MTOR: variants seen among roughly 807,000 people sequenced by gnomAD.
MTOR encodes mechanistic target of rapamycin kinase.
A neutral mutation model predicts 319.8 loss-of-function variants in MTOR; 70 were observed. The observed-to-expected ratio is 0.22, with a 90% confidence interval of 0.18 to 0.27. The LOEUF (loss-of-function observed/expected upper bound fraction) is 0.27, where lower values mean the gene tolerates loss of function less well. Among genes scored for constraint, MTOR ranks in the 10% least tolerant of loss-of-function variants. The pLI, the probability that MTOR is intolerant of heterozygous loss-of-function variation, is 1.00. For synonymous variants in MTOR, 1,183 were observed against 1,211.4 expected (o/e 0.98, Z 0.49); for missense variants, 1,890 against 3,274.4 (o/e 0.58, Z 10.32).
At chr1:11,156,345 T>G (rs1303836419) in intron 30 of MTOR, among the ~76,000 whole-genome samples, 3 of 152,210 alleles carry the variant, frequency 2.0e-5, no homozygotes, top group Admixed American at 2.0e-4. Flanking sequence ...GTATAGCATT[T>G]TATTTTAACT....
chr1:11,254,029 T>C, intron 5 of MTOR, 56 bp from the exon 6 acceptor site: 1 of 1,604,040 alleles, frequency 6.2e-7, no homozygotes. Flanking sequence ...CCAGAAAGAA[T>C]ACAGGCCCAT....
At chr1:11,204,861 T>C (rs556536009) in intron 25 of MTOR, among the ~76,000 whole-genome samples, 158 bp from the exon 26 acceptor site, 19 of 152,322 alleles carry the variant, frequency 1.2e-4, no homozygotes, top group South Asian at 4.1e-4. Context: ...TAATATTTAA[T>C]TAAGAACAGC....
intron 30 of MTOR, among the ~76,000 whole-genome samples, chr1:11,155,026 T>C (rs753640758): frequency 1.3e-5 from 2 of 152,198 alleles, no homozygotes; most frequent in Non-Finnish European, 2.9e-5. Context: ...TGTGTGCCTG[T>C]AGTCTCAGCT....
chr1:11,189,890 A>C, intron 28 of MTOR: 1 of 1,614,130 alleles, frequency 6.2e-7, no homozygotes, highest in Non-Finnish European at 8.5e-7. Flanking sequence ...AAGTACTCCG[A>C]GATGAACAAC....
chr1:11,209,172 G>T, intron 25 of MTOR, 140 bp downstream of exon 25: 1 of 987,338 alleles, frequency 1.0e-6, no homozygotes, highest in Non-Finnish European at 1.5e-6. Flanking sequence ...AAGACAAAAT[G>T]ATCTAAGTTC....
At chr1:11,255,382 CAAAAAAAAAAAAAAA>C (rs56328160) in intron 5 of MTOR, among the ~76,000 whole-genome samples, 7 of 98,232 alleles carry the variant, frequency 7.1e-5, no homozygotes, top group Non-Finnish European at 1.8e-5. Flanking sequence ...ACTCCATCTC[CAAAAAAAAAAAAAAA>C]AAAAAAAAAA....
At chr1:11,227,721 ATAAAATGGAG>A (rs1422638785) in intron 19 of MTOR, among the ~76,000 whole-genome samples, 1 of 152,236 alleles carries the variant, frequency 6.6e-6, no homozygotes, top group Non-Finnish European at 1.5e-5. Flanking sequence ...CTGCCAGCTA[ATAAAATGGAG>A]AAGGAATAGC....
At chr1:11,219,981 C>T (rs935054364) in intron 19 of MTOR, among the ~76,000 whole-genome samples, 2 of 141,132 alleles carry the variant, frequency 1.4e-5, no homozygotes. Flanking sequence ...TGCAGTTAAC[C>T]GAGATCGTAC....
intron 34 of MTOR, among the ~76,000 whole-genome samples, chr1:11,142,593 G>C (rs763307562): frequency 3.9e-5 from 6 of 152,120 alleles, no homozygotes; most frequent in Admixed American, 6.5e-5. Context: ...CACCATGCCT[G>C]GCCAAGTGAA....
rs1642903023 is a variant in MTOR, at chr1:11,127,548, CTT to C, written c.6216+74_6216+75del. ...GTCACGTCCTTTCATTCTATAAAAA[CTT>C]TTCTCATTTCATTTTTTTTTAGTGG... On this transcript the variant is annotated intron_variant, in intron 44 of 57. Coordinates refer to ENST00000361445, the MANE Select transcript of MTOR (RefSeq NM_004958.4). The surrounding 1 kb of genome is among the most constrained non-coding windows in gnomAD (Gnocchi z 5.5). 1 of 1,498,978 alleles carries C rather than the reference CTT, an allele frequency of 6.7e-7. No homozygotes were observed. The highest frequency in any genetic ancestry group is 1.4e-5 in the African/African-American group (1 of 71,182). 92.9% of individuals were successfully genotyped at this position (1,498,978 alleles called of 1,614,324 possible).
At chr1:11,210,950 AGTGG>A in intron 23 of MTOR, 44 bp from the exon 24 acceptor site, 1 of 1,257,292 alleles carries the variant, frequency 8.0e-7, no homozygotes. Context: ...CATTTTGGAG[AGTGG>A]AGAAAAAGTA....
chr1:11,169,534 TAAC>T (rs1401102522), intron 28 of MTOR, among the ~76,000 whole-genome samples: 1 of 152,198 alleles, frequency 6.6e-6, no homozygotes, highest in African/African-American at 2.4e-5. Context: ...GCTGACGTGA[TAAC>T]AAGTTTGAGG....
At chr1:11,142,353 A>G (rs1013798445) in intron 34 of MTOR, among the ~76,000 whole-genome samples, 7 of 152,084 alleles carry the variant, frequency 4.6e-5, no homozygotes, top group African/African-American at 1.7e-4. Flanking sequence ...CAGTGGCGCA[A>G]TCTTGGCTCA....
At chr1:11,253,281 C>T (rs1649939671) in intron 6 of MTOR, among the ~76,000 whole-genome samples, 1 of 152,118 alleles carries the variant, frequency 6.6e-6, no homozygotes, top group Non-Finnish European at 1.5e-5. Context: ...AATTGGTCTC[C>T]CTGCTTTCAT....
At chr1:11,213,844 G>C (rs776881804) in intron 20 of MTOR, among the ~76,000 whole-genome samples, 1 of 152,190 alleles carries the variant, frequency 6.6e-6, no homozygotes, top group African/African-American at 2.4e-5. Flanking sequence ...TTCTTGCTCA[G>C]CTAAGCCCTG....
Position 11,247,887 on chromosome 1 carries a change from T to A in MTOR, c.1048A>T (p.Ser350Cys). The change falls in exon 7 of 58, where the codon AGT (serine) becomes TGT (cysteine). Residue 350 changes from serine to cysteine, a missense_variant. Physicochemically the swap from Ser to Cys is moderately radical, Grantham distance 112. Transcript: ENST00000361445. ...QGLMGFGTSP[S>C]PAKSTLVESR... The stretch of plus-strand genomic sequence containing the variant: ...TCCACCAGGGTGGACTTAGCTGGAC[T>A]GGGGGAGGTCCCAAATCCCATGAGG... 1 of 1,614,164 alleles carries A rather than the reference T, an allele frequency of 6.2e-7. No homozygotes were observed. Among genetic ancestry groups the A allele is most frequent in the South Asian group, 1.1e-5 (1 of 91,076 alleles).
rs78695935 is a variant in MTOR, at chr1:11,248,236, T to C, written c.841-142A>G. 1.9e-3 allele frequency: 1,717 copies of C among 882,068 alleles called. 22 individuals carry two copies. In the African/African-American group the frequency reaches 0.025, roughly 13 times the overall value. 54.6% of individuals were successfully genotyped at this position (882,068 alleles called of 1,614,324 possible). A position where few individuals can be genotyped will look rare whatever the true frequency, so the allele number is the denominator to read the frequency against. ...GTGAAGGGTGGCCACTCTTCATGTT[T>C]AGGGTTACAATTTCCCCAGAACCTT... On this transcript the variant is annotated intron_variant, in intron 6 of 57. Coordinates refer to ENST00000361445, the MANE Select transcript of MTOR (RefSeq NM_004958.4).
chr1:11,243,593 C>T (rs576666990), intron 8 of MTOR, among the ~76,000 whole-genome samples: 1 of 150,750 alleles, frequency 6.6e-6, no homozygotes, highest in African/African-American at 2.4e-5. Flanking sequence ...GAGGCTGAGG[C>T]AGGAGGATCA....
rs2275526 is a variant in MTOR, at chr1:11,132,899, A to G, written c.5364+181T>C. The stretch of plus-strand genomic sequence containing the variant: ...TTTCTCCAATAATCTTTCTGTATTA[A>G]TTAAACTTGTAGGGGGAAATGCAGG... On this transcript the variant is annotated intron_variant, in intron 38 of 57. Transcript: ENST00000361445. 26,932 of 609,848 alleles carry G rather than the reference A, an allele frequency of 0.044. 973 individuals carry two copies. The highest frequency in any genetic ancestry group is 0.11 in the South Asian group (5,330 of 48,662). The allele number at this position is 609,848 out of a possible 1,614,324, so 37.8% of individuals were successfully genotyped here.
Sources: allele counts gnomAD v4.1 joint callset (sites outside exome capture counted in the v4.1 genomes callset), GRCh38; gene constraint gnomAD v4.1.1; non-coding constraint Gnocchi (gnomAD v3.1); transcripts MANE v1.5; gene names NCBI Gene and HGNC (gene_info 2026-07-23, HGNC 2026-07-21).